Variants in MAL observed in about 807,000 individuals in gnomAD.
The protein encoded by MAL is myelin and lymphocyte protein.
MAL carries 5 observed loss-of-function variants against 16.7 expected under a neutral mutation model. The observed-to-expected ratio is 0.30, with a 90% CI of 0.16 to 0.63. The LOEUF (loss-of-function observed/expected upper bound fraction) is 0.63. Ranked by LOEUF, MAL falls within the 30% of genes least tolerant of loss-of-function variation. The pLI is 0.82. For missense variants in MAL, 202 were observed against 195.8 expected (o/e 1.03, Z -0.19); for synonymous variants, 96 against 85.5 (o/e 1.12, Z -0.67).
intron 1 of MAL, among the ~76,000 whole-genome samples, chr2:95,030,334 G>A (rs1249970218): frequency 2.0e-5 from 3 of 152,204 alleles, no homozygotes; most frequent in Non-Finnish European, 4.4e-5. Flanking sequence ...GGGTGAAATA[G>A]CCAATGCTCT....
intron 1 of MAL, among the ~76,000 whole-genome samples, chr2:95,029,220 T>C (rs948591470): frequency 8.5e-5 from 13 of 152,270 alleles, no homozygotes; most frequent in African/African-American, 3.1e-4. Flanking sequence ...AGATGGCATC[T>C]AAGCCTCCTA....
intron 1 of MAL, among the ~76,000 whole-genome samples, chr2:95,044,065 G>T (rs927216850): frequency 6.6e-6 from 1 of 152,176 alleles, no homozygotes; most frequent in Non-Finnish European, 1.5e-5. Flanking sequence ...TCCAAAAGGG[G>T]CACTGTGCAG....
chr2:95,050,810 T>C (rs1674700394), intron 3 of MAL, among the ~76,000 whole-genome samples: 1 of 152,206 alleles, frequency 6.6e-6, no homozygotes, highest in Admixed American at 6.5e-5. Flanking sequence ...ATCTCCCGTG[T>C]TGGCCCATCT....
At chr2:95,038,556 G>GTGAGTGAGTGACTGAGTGAC (rs1674325465) in intron 1 of MAL, among the ~76,000 whole-genome samples, 3 of 150,984 alleles carry the variant, frequency 2.0e-5, no homozygotes, top group African/African-American at 2.4e-5. Flanking sequence ...GACTGAGTGA[G>GTGAGTGAGTGACTGAGTGAC]TGAGTGAGTG....
intron 1 of MAL, among the ~76,000 whole-genome samples, chr2:95,042,239 G>A (rs1372547422): frequency 2.0e-5 from 3 of 152,224 alleles, no homozygotes; most frequent in African/African-American, 4.8e-5. Context: ...GGCAGGCAGG[G>A]CCTTGAGACA....
intron 1 of MAL, among the ~76,000 whole-genome samples, chr2:95,039,344 GTGAGTGACTGACTGACTGACTGAGTAAC>G (rs1674377129): frequency 6.6e-6 from 1 of 150,680 alleles, no homozygotes; most frequent in African/African-American, 2.4e-5. Flanking sequence ...GAGTGAGTGA[GTGAGTGACTGACTGACTGACTGAGTAAC>G]TGAGTGAGTG....
chr2:95,053,288 C>A (rs1416953209), intron 3 of MAL, 93 bp from the exon 4 acceptor site: 4 of 863,968 alleles, frequency 4.6e-6, no homozygotes, highest in African/African-American at 1.7e-5. Flanking sequence ...TGGGTCTGGC[C>A]CCCCCTACGC....
At chr2:95,036,209 C>A (rs1396118501) in intron 1 of MAL, among the ~76,000 whole-genome samples, 2 of 152,180 alleles carry the variant, frequency 1.3e-5, no homozygotes, top group African/African-American at 4.8e-5. Context: ...CCAGGGTTCT[C>A]TTTGGTAGCA....
Position 95,053,721 on chromosome 2 carries a change from A to C in MAL, c.*266A>C. 1 of 446,196 alleles carries C rather than the reference A, an allele frequency of 2.2e-6. No individual in the cohort carries two copies. The allele number at this position is 446,196 out of a possible 1,614,324, so 27.6% of individuals were successfully genotyped here. ...TGCTAGGGTCACCTCCTGTTTGTGA[A>C]AGGGGACCTTCTTGTTCGGGGGTGG... On this transcript the variant is annotated 3_prime_UTR_variant, in exon 4 of 4. Coordinates refer to ENST00000309988, the MANE Select transcript of MAL (RefSeq NM_002371.4).
chr2:95,039,354 GACTGACTGAC>G (rs1674377909), intron 1 of MAL, among the ~76,000 whole-genome samples: 4 of 150,458 alleles, frequency 2.7e-5, no homozygotes, highest in Admixed American at 1.3e-4. Flanking sequence ...GTGAGTGACT[GACTGACTGAC>G]TGAGTAACTG....
At chr2:95,027,903 G>A (rs1434235545) in intron 1 of MAL, among the ~76,000 whole-genome samples, 1 of 152,068 alleles carries the variant, frequency 6.6e-6, no homozygotes, top group Non-Finnish European at 1.5e-5. Flanking sequence ...AACCCAATTA[G>A]AAAATGGACA....
At chr2:95,042,163 G>A (rs1674482738) in intron 1 of MAL, among the ~76,000 whole-genome samples, 1 of 152,190 alleles carries the variant, frequency 6.6e-6, no homozygotes, top group African/African-American at 2.4e-5. Context: ...GAAACACTAG[G>A]GCGACATTTT....
chr2:95,044,397 G>A (rs1437983414), intron 1 of MAL: 1 of 152,188 alleles, frequency 6.6e-6, no homozygotes, highest in East Asian at 1.9e-4. Context: ...GAACTGCATG[G>A]GCTGTGAATT....
intron 3 of MAL, among the ~76,000 whole-genome samples, chr2:95,052,188 G>A (rs1051607897): frequency 1.4e-4 from 22 of 152,220 alleles, no homozygotes; most frequent in African/African-American, 4.8e-4. Flanking sequence ...GGGCAGTGAT[G>A]GCTACAGTTT....
intron 1 of MAL, among the ~76,000 whole-genome samples, chr2:95,028,051 A>G (rs1044145685): frequency 3.3e-5 from 5 of 151,988 alleles, no homozygotes; most frequent in African/African-American, 9.7e-5. Flanking sequence ...TCACGCCTGT[A>G]ATCCCAGCAC....
intron 1 of MAL, among the ~76,000 whole-genome samples, chr2:95,040,252 C>G (rs1674411878): frequency 6.6e-6 from 1 of 152,114 alleles, no homozygotes; most frequent in South Asian, 2.1e-4. Flanking sequence ...CATACACATA[C>G]ATACACATGC....
intron 2 of MAL, 70 bp from the exon 3 acceptor site, chr2:95,049,511 G>A: frequency 6.3e-7 from 1 of 1,583,838 alleles, no homozygotes; most frequent in Non-Finnish European, 8.6e-7. Context: ...GGGGGTGGAG[G>A]GGACCTCAGC....
At position 95,027,668 on chromosome 2, in the gene MAL, G is replaced by T. The variant is rs532368730; in HGVS notation, c.93+1783G>T. ...TGTGTGGAAGGAGTGGAGAATTAAA[G>T]GGCCTGAGAAGGCGCTGGCCACCCC... On this transcript the variant is annotated intron_variant, in intron 1 of 3. Coordinates refer to ENST00000309988, the MANE Select transcript of MAL (RefSeq NM_002371.4). 1.6e-4 allele frequency among the ~76,000 whole-genome samples: 25 copies of T among 152,290 alleles called. No individual in the cohort carries two copies. In the South Asian group the frequency reaches 4.8e-3, roughly 29 times the overall value.
At position 95,028,283 on chromosome 2, in the gene MAL, G is replaced by A. The variant is rs758454104; in HGVS notation, c.93+2398G>A. 1.1e-4 allele frequency among the ~76,000 whole-genome samples: 17 copies of A among 151,462 alleles called. No individual in the cohort carries two copies. In the East Asian group the frequency reaches 1.7e-3, roughly 16 times the overall value. ...GGTTGCAGTAAGCCGAGATCATGCC[G>A]CTGCACTCCAGCCTGGGCAACAGAG... On this transcript the variant is annotated intron_variant, in intron 1 of 3. Coordinates refer to ENST00000309988, the MANE Select transcript of MAL (RefSeq NM_002371.4).
Sources: allele counts gnomAD v4.1 joint callset (sites outside exome capture counted in the v4.1 genomes callset), GRCh38; gene constraint gnomAD v4.1.1; transcripts MANE v1.5; gene names NCBI Gene and HGNC (gene_info 2026-07-23, HGNC 2026-07-21).